Variants in SND1 observed in about 807,000 individuals in gnomAD.
SND1 encodes the protein staphylococcal nuclease domain-containing protein 1.
In SND1, 38 loss-of-function variants were observed where a neutral mutation model predicts 121.7. That is an observed-to-expected ratio of 0.31 (90% CI 0.24 to 0.41). The LOEUF (loss-of-function observed/expected upper bound fraction) is 0.41. Among genes scored for constraint, SND1 ranks in the 10% least tolerant of loss-of-function variants. The pLI, the probability that SND1 is intolerant of heterozygous loss-of-function variation, is 1.00. For missense variants in SND1, 868 were observed against 1,184.6 expected (o/e 0.73, Z 3.92); for synonymous variants, 401 against 447.4 (o/e 0.90, Z 1.31).
intron 7 of SND1, among the ~76,000 whole-genome samples, chr7:127,704,333 C>T (rs1325655096): frequency 1.6e-4 from 24 of 152,168 alleles, no homozygotes; most frequent in Admixed American, 1.4e-3. Context: ...TTCTGGAGTG[C>T]TGTCTGGCTG....
chr7:127,816,678 T>G (rs79724266), intron 11 of SND1, among the ~76,000 whole-genome samples: 1 of 151,144 alleles, frequency 6.6e-6, no homozygotes, highest in Non-Finnish European at 1.5e-5. Flanking sequence ...TTTTTTTTTT[T>G]TTTGTAACAG....
intron 10 of SND1, among the ~76,000 whole-genome samples, chr7:127,724,517 A>G (rs933059942): frequency 3.9e-5 from 6 of 152,178 alleles, no homozygotes; most frequent in Non-Finnish European, 8.8e-5. Context: ...GAGAGAGAAA[A>G]TGGGGCATAT....
intron 16 of SND1, among the ~76,000 whole-genome samples, chr7:128,014,825 A>C (rs1225526228): frequency 2.0e-5 from 3 of 152,210 alleles, no homozygotes; most frequent in African/African-American, 7.2e-5. Flanking sequence ...ATTCTAGCTC[A>C]AAGAATGCTT....
At chr7:127,728,288 A>G (rs1313445687) in intron 10 of SND1, among the ~76,000 whole-genome samples, 1 of 151,906 alleles carries the variant, frequency 6.6e-6, no homozygotes, top group Non-Finnish European at 1.5e-5. Flanking sequence ...AACTGGGTGC[A>G]TTTACTTCTA....
chr7:127,694,677 G>A (rs1330489879), intron 2 of SND1, 151 bp from the exon 3 acceptor site: 7 of 870,602 alleles, frequency 8.0e-6, no homozygotes, highest in Non-Finnish European at 1.2e-5. Context: ...TCTGCATTGT[G>A]TGCATTTCAT....
chr7:127,967,382 C>T (rs1214532221), intron 15 of SND1, among the ~76,000 whole-genome samples: 6 of 152,162 alleles, frequency 3.9e-5, no homozygotes, highest in African/African-American at 1.2e-4. Flanking sequence ...GCTGAAATCA[C>T]GATGGAGCAA....
At chr7:127,685,025 ATGG>A (rs1795789122) in intron 1 of SND1, among the ~76,000 whole-genome samples, 1 of 152,110 alleles carries the variant, frequency 6.6e-6, no homozygotes, top group Non-Finnish European at 1.5e-5. Flanking sequence ...GGTCAGGGTA[ATGG>A]TGGGGTTTGA....
intron 12 of SND1, among the ~76,000 whole-genome samples, chr7:127,873,203 G>A (rs1201202211): frequency 6.6e-6 from 1 of 152,150 alleles, no homozygotes; most frequent in Non-Finnish European, 1.5e-5. Context: ...GACTGAAACT[G>A]TTGGGTTTCA....
chr7:127,883,730 G>A (rs1429166533), intron 12 of SND1, among the ~76,000 whole-genome samples: 1 of 152,162 alleles, frequency 6.6e-6, no homozygotes, highest in Non-Finnish European at 1.5e-5. Flanking sequence ...TCAGAATCAG[G>A]TGTTGCAGTT....
chr7:127,812,467 C>G (rs1393835465), intron 11 of SND1, among the ~76,000 whole-genome samples: 1 of 152,198 alleles, frequency 6.6e-6, no homozygotes, highest in African/African-American at 2.4e-5. Context: ...GTGAAGTCCT[C>G]GATAACATTG....
chr7:127,888,268 T>G (rs1220388077), intron 13 of SND1, among the ~76,000 whole-genome samples: 1 of 152,108 alleles, frequency 6.6e-6, no homozygotes, highest in Non-Finnish European at 1.5e-5. Context: ...CCTTTGTAGC[T>G]GTATAAAAGA....
chr7:127,716,830 G>A (rs1290801344), intron 9 of SND1, among the ~76,000 whole-genome samples: 1 of 152,100 alleles, frequency 6.6e-6, no homozygotes, highest in Non-Finnish European at 1.5e-5. Flanking sequence ...GTGATAATAT[G>A]GAGAGAATCA....
At chr7:127,683,463 C>T (rs373398029) in intron 1 of SND1, among the ~76,000 whole-genome samples, 20 of 152,268 alleles carry the variant, frequency 1.3e-4, no homozygotes, top group Admixed American at 1.1e-3. Context: ...GCAGCCCTCT[C>T]GCCTCGTCCT....
At chr7:127,806,882 C>A (rs1396310782) in intron 10 of SND1, among the ~76,000 whole-genome samples, 1 of 152,132 alleles carries the variant, frequency 6.6e-6, no homozygotes. Flanking sequence ...TTGCTTGAAC[C>A]CAGGAGGCGG....
In SND1 at chr7:128,030,622, C is replaced by A. The variant is rs1360377513; in HGVS notation, c.1779+39566C>A. ...TTCCAGGTGTGGTGGTGCACAGTTA[C>A]CTGCCACAAGAGCTTCATGGTGTGG... On this transcript the variant is annotated intron_variant, in intron 16 of 23. Transcript: ENST00000354725. 1.9e-6 allele frequency: 3 copies of A among 1,565,530 alleles called. No homozygotes were observed. In the South Asian group the frequency reaches 3.6e-5, roughly 19 times the overall value.
chr7:127,735,624 G>T lies in SND1; in HGVS notation c.1152+14224G>T, dbSNP rs561781935. Among the ~76,000 whole-genome samples the T allele has an allele frequency of 3.4e-3, 514 of 151,458 alleles. 2 individuals are homozygous for T. The highest frequency in any genetic ancestry group is 9.1e-3 in the African/African-American group (375 of 41,350). Reference sequence around the variant, plus strand: ...TCTAAAGGGTGACCTGTTTTTTTTTGTTGTTGTTGTTGTTTTTTTGGAGAC... The same window carrying T: ...TCTAAAGGGTGACCTGTTTTTTTTTTTTGTTGTTGTTGTTTTTTTGGAGAC... On this transcript the variant is annotated intron_variant, in intron 10 of 23. Coordinates refer to ENST00000354725, the MANE Select transcript of SND1 (RefSeq NM_014390.4).
intron 16 of SND1, among the ~76,000 whole-genome samples, chr7:128,073,744 G>A (rs1390601633): frequency 2.0e-5 from 3 of 152,238 alleles, no homozygotes. Context: ...CCTTCACGAT[G>A]TGGGAGCAGA....
At chr7:128,032,646 C>T (rs1272245700) in intron 16 of SND1, among the ~76,000 whole-genome samples, 2 of 152,128 alleles carry the variant, frequency 1.3e-5, no homozygotes, top group African/African-American at 4.8e-5. Flanking sequence ...CGGCCCGCGT[C>T]ATCCTCACCC....
At position 127,698,008 on chromosome 7, in the gene SND1, A is replaced by G. The variant is rs145533048; in HGVS notation, c.350-867A>G. ...GGCCGACAAGCAGAGATTTAAGAGA[A>G]AACACTGAGCCTGAAAGCTTTTTCA... is the stretch of plus-strand genomic sequence containing the variant. On this transcript the variant is annotated intron_variant, in intron 3 of 23. Transcript: ENST00000354725. Among the ~76,000 whole-genome samples, 45 of 152,306 alleles carry G rather than the reference A, an allele frequency of 3.0e-4. No individual in the cohort carries two copies. The East Asian group carries it at 8.5e-3, about 29-fold the overall frequency.
Sources: allele counts gnomAD v4.1 joint callset (sites outside exome capture counted in the v4.1 genomes callset), GRCh38; gene constraint gnomAD v4.1.1; transcripts MANE v1.5; gene names NCBI Gene and HGNC (gene_info 2026-07-23, HGNC 2026-07-21).